Variants in DCAF1 observed in about 807,000 individuals in gnomAD.
DCAF1 encodes the protein DDB1- and CUL4-associated factor 1.
Under a neutral mutation model 128.0 loss-of-function variants are expected in DCAF1, and 15 were observed. That is an observed-to-expected ratio of 0.12 (90% confidence interval 0.08 to 0.18). The LOEUF (loss-of-function observed/expected upper bound fraction) is 0.18. Ranked by LOEUF, DCAF1 falls within the 10% of genes least tolerant of loss-of-function variation. The probability of loss-of-function intolerance (pLI) is 1.00; values close to 1 mark genes in which losing one functional copy is unlikely to be tolerated. For missense variants in DCAF1, 988 were observed against 1,649.5 expected (o/e 0.60, Z 6.95); for synonymous variants, 610 against 603.0 (o/e 1.01, Z -0.17).
At chr3:51,456,083 G>C (rs879954958) in intron 6 of DCAF1, among the ~76,000 whole-genome samples, 1 of 152,178 alleles carries the variant, frequency 6.6e-6, no homozygotes, top group East Asian at 1.9e-4. Context: ...GCAGTGCACC[G>C]TGTGCTAGCA....
intron 18 of DCAF1, among the ~76,000 whole-genome samples, chr3:51,416,522 G>C (rs1323857931): frequency 6.6e-6 from 1 of 152,124 alleles, no homozygotes; most frequent in East Asian, 1.9e-4. Flanking sequence ...ATAAAGGCAG[G>C]GGTTTCATTT....
chr3:51,485,537 ATAAAAG>A (rs1706830586), intron 2 of DCAF1, among the ~76,000 whole-genome samples: 1 of 152,224 alleles, frequency 6.6e-6, no homozygotes, highest in South Asian at 2.1e-4. Flanking sequence ...CAACTTCTTT[ATAAAAG>A]TAGCCTTAAA....
chr3:51,497,371 G>A (rs781784503), intron 1 of DCAF1, among the ~76,000 whole-genome samples: 2 of 151,742 alleles, frequency 1.3e-5, no homozygotes, highest in South Asian at 2.1e-4. Flanking sequence ...GGTGGATCAC[G>A]AGGTCAGGAG....
intron 6 of DCAF1, among the ~76,000 whole-genome samples, chr3:51,460,241 C>G (rs1553644078): frequency 6.6e-6 from 1 of 152,108 alleles, no homozygotes; most frequent in South Asian, 2.1e-4. Context: ...ACAAAAATCA[C>G]AAGCATTCTT....
chr3:51,441,694 GATCTCC>G lies in DCAF1; in HGVS notation c.711_716del (p.Met237_Glu238del). ...TGTGGCCTGAATCAAGATGAAAGGA[GATCTCC>G]ATGTCTCCAGAAGCTTCCTCTTGGT... is the stretch of plus-strand genomic sequence containing the variant. On this transcript the variant is annotated inframe_deletion, in exon 8 of 25. Transcript: ENST00000684031. The G allele has an allele frequency of 6.2e-7, 1 of 1,613,974 alleles. No homozygotes were observed. The highest frequency in any genetic ancestry group is 1.1e-5 in the South Asian group (1 of 91,082).
chr3:51,442,236 T>C (rs960781541), intron 7 of DCAF1, among the ~76,000 whole-genome samples: 4 of 152,206 alleles, frequency 2.6e-5, no homozygotes, highest in East Asian at 3.8e-4. Flanking sequence ...CTAATGTGTC[T>C]TTGAAAACCA....
chr3:51,460,345 A>G (rs1319672041), intron 6 of DCAF1, among the ~76,000 whole-genome samples: 2 of 152,168 alleles, frequency 1.3e-5, no homozygotes, highest in Non-Finnish European at 2.9e-5. Flanking sequence ...TAGGAATCCA[A>G]CTTACAAGGG....
At chr3:51,489,301 G>A (rs1423982278) in intron 2 of DCAF1, among the ~76,000 whole-genome samples, 1 of 151,470 alleles carries the variant, frequency 6.6e-6, no homozygotes, top group African/African-American at 2.4e-5. Context: ...GGCATGATGG[G>A]GCACACCTGT....
chr3:51,421,014 T>A lies in DCAF1; in HGVS notation c.1973-17A>T, dbSNP rs781938849. On this transcript the variant is annotated splice_polypyrimidine_tract_variant and intron_variant, in intron 14 of 24. Coordinates refer to ENST00000684031, the MANE Select transcript of DCAF1 (RefSeq NM_001387579.1). ...TGCTGATACCTAATGGGAAAAAAAA[T>A]TATGTATTATTCACCATAAAACTAA... 1.9e-6 allele frequency: 3 copies of A among 1,592,188 alleles called. No homozygotes were observed. Among genetic ancestry groups the A allele is most frequent in the Middle Eastern group, 1.7e-4 (1 of 5,940 alleles).
chr3:51,406,911 T>G (rs2090154316), intron 23 of DCAF1, among the ~76,000 whole-genome samples: 1 of 152,146 alleles, frequency 6.6e-6, no homozygotes, highest in Non-Finnish European at 1.5e-5. Flanking sequence ...ACCTACACTT[T>G]GGCTGGGCGC....
At chr3:51,474,834 G>C (rs547527423) in intron 3 of DCAF1, among the ~76,000 whole-genome samples, 1 of 148,640 alleles carries the variant, frequency 6.7e-6, no homozygotes, top group Admixed American at 7.0e-5. Context: ...GCCCAGGCTG[G>C]AGTACAGTGG....
chr3:51,439,676 T>C (rs1191030439), intron 9 of DCAF1, among the ~76,000 whole-genome samples: 3 of 152,104 alleles, frequency 2.0e-5, no homozygotes, highest in African/African-American at 4.8e-5. Flanking sequence ...TTTTACATTA[T>C]ACAATATGTA....
At chr3:51,412,062 G>A (rs1049594696) in intron 23 of DCAF1, among the ~76,000 whole-genome samples, 3 of 135,648 alleles carry the variant, frequency 2.2e-5, no homozygotes, top group Non-Finnish European at 4.5e-5. Flanking sequence ...GCAGTGAGCC[G>A]AGATCATGAC....
intron 2 of DCAF1, among the ~76,000 whole-genome samples, chr3:51,486,363 T>C (rs1706958632): frequency 6.6e-6 from 1 of 151,634 alleles, no homozygotes; most frequent in African/African-American, 2.4e-5. Flanking sequence ...AGCTTATTTT[T>C]ATTTTTATTA....
Position 51,419,004 on chromosome 3 carries a change from C to A in DCAF1, c.3237-128G>T, listed in dbSNP as rs942029503. 10 of 1,358,370 alleles carry A rather than the reference C, an allele frequency of 7.4e-6. 1 individual carries two copies. Among genetic ancestry groups the A allele is most frequent in the Middle Eastern group, 3.9e-4 (2 of 5,082 alleles). The allele number at this position is 1,358,370 out of a possible 1,614,324, so 84.1% of individuals were successfully genotyped here. On this transcript the variant is annotated intron_variant, in intron 15 of 24. Transcript: ENST00000684031. ...ATGGCTTCTTCCAAAATCACAGTGACCTTCAGTGCTTTTTATTTTAAATAA... is the reference window on the plus strand; with the variant it reads ...ATGGCTTCTTCCAAAATCACAGTGAACTTCAGTGCTTTTTATTTTAAATAA...
chr3:51,469,277 C>A (rs745894441), intron 4 of DCAF1, among the ~76,000 whole-genome samples: 3 of 129,010 alleles, frequency 2.3e-5, no homozygotes, highest in Non-Finnish European at 4.6e-5. Context: ...CTTGTCCAGG[C>A]TGGAGTTCAA....
chr3:51,445,595 G>A (rs1701775918), intron 6 of DCAF1, among the ~76,000 whole-genome samples: 2 of 152,120 alleles, frequency 1.3e-5, no homozygotes, highest in Non-Finnish European at 2.9e-5. Flanking sequence ...GCTCTTCACT[G>A]CCATACTCTG....
chr3:51,402,461 T>G (rs1412330436), intron 24 of DCAF1, among the ~76,000 whole-genome samples: 1 of 152,074 alleles, frequency 6.6e-6, no homozygotes, highest in African/African-American at 2.4e-5. Flanking sequence ...CAAAGTTTTA[T>G]TAGAACACAG....
At chr3:51,460,800 A>C (rs1276310383) in intron 6 of DCAF1, among the ~76,000 whole-genome samples, 12 of 151,972 alleles carry the variant, frequency 7.9e-5, no homozygotes, top group African/African-American at 2.9e-4. Flanking sequence ...GACAAAAACA[A>C]GAAATGGGGA....
Sources: gnomAD v4.1 joint callset for allele counts (sites outside exome capture counted in the v4.1 genomes callset) on GRCh38, gnomAD v4.1.1 for gene constraint, MANE v1.5 for transcripts, NCBI Gene and HGNC (gene_info 2026-07-23, HGNC 2026-07-21) for gene names.